Variants in CSMD2 observed in about 807,000 individuals in gnomAD.
The protein encoded by CSMD2 is CUB and Sushi multiple domains 2.
In CSMD2, 130 loss-of-function variants were observed where a neutral mutation model predicts 398.5. The ratio of observed to expected loss-of-function variants is 0.33; its 90% confidence interval spans 0.28 to 0.38. CSMD2 has a LOEUF of 0.38. Ranked by LOEUF, CSMD2 falls within the 10% of genes least tolerant of loss-of-function variation. The probability of loss-of-function intolerance (pLI) is 1.00; values close to 1 mark genes in which losing one functional copy is unlikely to be tolerated. For synonymous variants in CSMD2, 1,828 were observed against 1,908.5 expected, an observed-to-expected ratio of 0.96 and a Z score of 1.10; for missense variants, 3,829 against 4,764.9, an observed-to-expected ratio of 0.80 and a Z score of 5.78.
chr1:34,101,352 T>G (rs1421618645), intron 1 of CSMD2, among the ~76,000 whole-genome samples: 1 of 152,200 alleles, frequency 6.6e-6, no homozygotes, highest in Non-Finnish European at 1.5e-5. Context: ...GCTCATTCAT[T>G]TGTTTTGGAT....
At chr1:34,129,605 T>C (rs1035386309) in intron 1 of CSMD2, among the ~76,000 whole-genome samples, 6 of 152,150 alleles carry the variant, frequency 3.9e-5, no homozygotes, top group Admixed American at 6.5e-5. Flanking sequence ...TGAGCCGAGA[T>C]TGCGCCACTG....
chr1:33,854,097 C>A (rs866736196), intron 5 of CSMD2, among the ~76,000 whole-genome samples: 10 of 152,208 alleles, frequency 6.6e-5, no homozygotes, highest in Non-Finnish European at 5.9e-5. Context: ...CTTTTCTTAG[C>A]TACTTCCTAC....
At position 33,918,262 on chromosome 1, in the gene CSMD2, C is replaced by T. The variant is rs1643827455; in HGVS notation, c.752G>A (p.Gly251Asp). ...ACGGTLRGQS[G>D]IISSPHFPSE... is the part of the protein sequence containing the mutation. ...GGGGAAGTGGGGGCTGGAGATGATG[C>T]CACTCTGGCCCCGCAGGGTCCCACC... Residue 251 changes from glycine to aspartate, a missense_variant, in exon 5 of 71, where the codon GGC (glycine) becomes GAC (aspartate). Coordinates refer to ENST00000373381, the MANE Select transcript of CSMD2 (RefSeq NM_001281956.2). The T allele has an allele frequency of 6.2e-7, 1 of 1,614,054 alleles. No individual in the cohort carries two copies. Among genetic ancestry groups the T allele is most frequent in the Admixed American group, 1.7e-5 (1 of 60,028 alleles).
intron 1 of CSMD2, among the ~76,000 whole-genome samples, chr1:34,090,993 G>C (rs764428776): frequency 6.6e-6 from 1 of 152,178 alleles, no homozygotes; most frequent in East Asian, 1.9e-4. Flanking sequence ...CCTTTGCGCG[G>C]TTCTCTCTGC....
At position 33,743,191 on chromosome 1, in the gene CSMD2, C is replaced by T. The variant is rs926096157; in HGVS notation, c.2173+89G>A. ...GCCCTGGGAACTGCCCCATCCACAC[C>T]TCCTCCTCCCTCCATGGGAGCACCT... On this transcript the variant is annotated intron_variant, in intron 14 of 70. Coordinates refer to ENST00000373381, the MANE Select transcript of CSMD2 (RefSeq NM_001281956.2). 8 of 1,133,340 alleles carry T rather than the reference C, an allele frequency of 7.1e-6. No individual in the cohort carries two copies. The Admixed American group carries it at 1.3e-4, about 18-fold the overall frequency. The allele number at this position is 1,133,340 out of a possible 1,614,324, so 70.2% of individuals were successfully genotyped here. A position where few individuals can be genotyped will look rare whatever the true frequency, so the allele number is the denominator to read the frequency against.
intron 12 of CSMD2, among the ~76,000 whole-genome samples, chr1:33,785,679 C>T (rs1653441432): frequency 6.6e-6 from 1 of 152,202 alleles, no homozygotes; most frequent in Non-Finnish European, 1.5e-5. Context: ...ACCCTCCATC[C>T]TGGGCATGCC....
At chr1:34,160,739 T>A (rs10493055) in intron 1 of CSMD2, among the ~76,000 whole-genome samples, 1 of 152,014 alleles carries the variant, frequency 6.6e-6, no homozygotes. Context: ...AAATAAATGC[T>A]TTTTAATACA....
chr1:33,748,209 T>C (rs573175376), intron 13 of CSMD2, among the ~76,000 whole-genome samples: 21 of 152,340 alleles, frequency 1.4e-4, no homozygotes, highest in Non-Finnish European at 2.1e-4. Context: ...TCTTTCTTGC[T>C]CTGGAAAATT....
chr1:33,837,198 C>A (rs1557980295), intron 6 of CSMD2, among the ~76,000 whole-genome samples: 2 of 152,054 alleles, frequency 1.3e-5, no homozygotes, highest in African/African-American at 4.8e-5. Flanking sequence ...GAAATAAGCT[C>A]ATTGAAGAGC....
chr1:34,079,344 T>G (rs1656790331), intron 2 of CSMD2, among the ~76,000 whole-genome samples: 1 of 152,156 alleles, frequency 6.6e-6, no homozygotes, highest in Admixed American at 6.5e-5. Context: ...ATAAACGAAC[T>G]GAACTAACAA....
intron 29 of CSMD2, among the ~76,000 whole-genome samples, chr1:33,641,923 T>A (rs1433050028): frequency 1.3e-5 from 2 of 152,204 alleles, no homozygotes; most frequent in African/African-American, 4.8e-5. Flanking sequence ...TAAATAAAAA[T>A]GCCTGACCTG....
At chr1:33,686,634 C>A (rs974281891) in intron 25 of CSMD2, among the ~76,000 whole-genome samples, 66 of 152,214 alleles carry the variant, frequency 4.3e-4, no homozygotes, top group African/African-American at 1.5e-3. Flanking sequence ...TGGGAAGGGA[C>A]CATCCTTGCC....
chr1:33,571,586 G>A lies in CSMD2; in HGVS notation c.7903C>T (p.Arg2635Cys), dbSNP rs768845179. ...CTCCATTTGCCATTGGCCTGACAGC[G>A]GATGACCCTTTGGCCAGTATAGTAG... ...GYYYTGQRVI[R>C]CQANGKWSLG... The change falls in exon 51 of 71, where the codon CGC becomes TGC. Residue 2635 changes from arginine to cysteine, a missense_variant. This residue lies in a region of CSMD2 where 723 missense variants were observed against 758.6 expected (regional missense o/e 0.95). Coordinates refer to ENST00000373381, the MANE Select transcript of CSMD2 (RefSeq NM_001281956.2). 1.0e-5 allele frequency: 16 copies of A among 1,550,098 alleles called. 1 individual carries two copies. The highest frequency in any genetic ancestry group is 1.7e-5 in the Admixed American group (1 of 57,758).
chr1:33,726,619 T>C lies in CSMD2; in HGVS notation c.2435A>G (p.Tyr812Cys). 6.2e-7 allele frequency: 1 copy of C among 1,613,696 alleles called. No individual in the cohort carries two copies. Among genetic ancestry groups the C allele is most frequent in the Non-Finnish European group, 8.5e-7 (1 of 1,179,974 alleles). ...TILSPGWPGF[Y>C]KDALSCAWVI... ...CCAGGCACAGCTCAAGGCATCCTTG[T>C]AGAAGCCAGGCCAGCCCGGAGAGAG... is the stretch of plus-strand genomic sequence containing the variant. The change falls in exon 16 of 71, where the codon TAC becomes TGC. Residue 812 changes from tyrosine (Y) to cysteine (C), a missense_variant. Around this residue, in one of 5 missense-constraint regions of CSMD2, gnomAD observed 2,001 missense variants for 2,567.1 expected, o/e 0.78. Transcript: ENST00000373381.
intron 3 of CSMD2, among the ~76,000 whole-genome samples, chr1:34,028,551 C>T (rs1300242451): frequency 1.3e-5 from 2 of 152,154 alleles, no homozygotes; most frequent in African/African-American, 4.8e-5. Flanking sequence ...CTCCAGTTTA[C>T]CTGCCTGTGA....
chr1:33,535,249 T>C (rs1475268274), intron 62 of CSMD2, among the ~76,000 whole-genome samples: 4 of 152,180 alleles, frequency 2.6e-5, no homozygotes. Context: ...GACATGGTTG[T>C]AATGTTCTAG....
intron 26 of CSMD2, among the ~76,000 whole-genome samples, chr1:33,661,379 C>G (rs116660694): frequency 3.3e-5 from 5 of 151,996 alleles, no homozygotes; most frequent in Admixed American, 2.0e-4. Flanking sequence ...GTTTGTTCCA[C>G]GAAATGTTAG....
At chr1:33,892,423 G>A (rs1357351197) in intron 5 of CSMD2, among the ~76,000 whole-genome samples, 6 of 152,074 alleles carry the variant, frequency 3.9e-5, no homozygotes, top group Non-Finnish European at 8.8e-5. Flanking sequence ...CCCATCACCT[G>A]AGCAGTGTAT....
chr1:33,854,185 C>G (rs955527051), intron 5 of CSMD2, among the ~76,000 whole-genome samples: 1 of 152,178 alleles, frequency 6.6e-6, no homozygotes, highest in Non-Finnish European at 1.5e-5. Flanking sequence ...CTCCTTTGTC[C>G]CCTCTGGGCA....
Sources: allele counts gnomAD v4.1 joint callset (sites outside exome capture counted in the v4.1 genomes callset), GRCh38; gene constraint gnomAD v4.1.1; regional missense constraint gnomAD v4.1.1; transcripts MANE v1.5; gene names NCBI Gene and HGNC (gene_info 2026-07-23, HGNC 2026-07-21).